LRRC47: variants seen among roughly 807,000 people sequenced by gnomAD.
LRRC47 encodes leucine rich repeat containing 47.
A neutral mutation model predicts 40.9 loss-of-function variants in LRRC47; 31 were observed. The observed-to-expected ratio is 0.76, with a 90% CI of 0.57 to 1.02. The LOEUF (loss-of-function observed/expected upper bound fraction) is 1.02, where lower values mean the gene tolerates loss of function less well. Ranked by LOEUF, LRRC47 falls within the 50% of genes least tolerant of loss-of-function variation. The pLI, the probability that LRRC47 is intolerant of heterozygous loss-of-function variation, is 0.00. For missense variants in LRRC47, 726 were observed against 796.1 expected (o/e 0.91, Z 1.06); for synonymous variants, 427 against 371.9 (o/e 1.15, Z -1.70).
At chr1:3,788,548 C>G (rs1056841859) in intron 1 of LRRC47, among the ~76,000 whole-genome samples, 9 of 152,192 alleles carry the variant, frequency 5.9e-5, no homozygotes, top group African/African-American at 1.9e-4. Flanking sequence ...ACACCTCCTG[C>G]TTCGCCTGGA....
At position 3,781,110 on chromosome 1, in the gene LRRC47, G is replaced by T. The variant is rs1030004964; in HGVS notation, c.1730C>A (p.Pro577His). The T allele has an allele frequency of 6.2e-7, 1 of 1,613,914 alleles. No individual in the cohort carries two copies. The highest frequency in any genetic ancestry group is 8.5e-7 in the Non-Finnish European group (1 of 1,180,040). The stretch of plus-strand genomic sequence containing the variant: ...GCGTCAGCGCACGACAGTCACGTGG[G>T]GAGGGGCAGTGGCCAGGTCGGCCTT... ...PSKADLATAP[P>H]HVTVVR The change falls in exon 7 of 7, where the codon CCC becomes CAC. Residue 577 changes from proline (P) to histidine (H), a missense_variant. Coordinates refer to ENST00000378251, the MANE Select transcript of LRRC47 (RefSeq NM_020710.3).
chr1:3,784,439 C>T (rs1323748480), intron 3 of LRRC47, among the ~76,000 whole-genome samples: 1 of 152,198 alleles, frequency 6.6e-6, no homozygotes, highest in African/African-American at 2.4e-5. Flanking sequence ...GCCGGGACCT[C>T]GTGCACTCCA....
chr1:3,794,495 C>T (rs762069029), intron 1 of LRRC47, among the ~76,000 whole-genome samples: 26 of 151,828 alleles, frequency 1.7e-4, no homozygotes, highest in African/African-American at 4.8e-4. Flanking sequence ...TACAGGCACG[C>T]GCCACCAGGC....
At chr1:3,787,840 C>A (rs2124612233) in intron 1 of LRRC47, among the ~76,000 whole-genome samples, 1 of 152,332 alleles carries the variant, frequency 6.6e-6, no homozygotes, top group South Asian at 2.1e-4. Flanking sequence ...CGCAGTGACA[C>A]ACAGAGTGCT....
At chr1:3,786,783 T>C in intron 2 of LRRC47, 66 bp downstream of exon 2, 1 of 1,430,542 alleles carries the variant, frequency 7.0e-7, no homozygotes, top group South Asian at 1.4e-5. Context: ...GGCCTCAGGA[T>C]GTGTCCCAGC....
chr1:3,784,271 C>G (rs1643549554), intron 3 of LRRC47, 160 bp from the exon 4 acceptor site: 1 of 632,394 alleles, frequency 1.6e-6, no homozygotes, highest in Non-Finnish European at 2.8e-6. Flanking sequence ...CAGCAAGAAG[C>G]TGCATGTGGG....
intron 1 of LRRC47, among the ~76,000 whole-genome samples, chr1:3,790,945 G>A (rs564990721): frequency 1.3e-5 from 2 of 152,344 alleles, no homozygotes; most frequent in South Asian, 2.1e-4. Flanking sequence ...CCAAAGAACC[G>A]GAACTGGGCT....
intron 3 of LRRC47, 168 bp downstream of exon 3, chr1:3,784,919 C>T: frequency 2.4e-6 from 1 of 409,200 alleles, no homozygotes; most frequent in South Asian, 2.8e-5. Context: ...CGCTTCAACC[C>T]AGGAGGCAGA....
rs571478573 is a variant in LRRC47, at chr1:3,780,856, G to C, written c.*232C>G. 6 of 570,570 alleles carry C rather than the reference G, an allele frequency of 1.1e-5. No homozygotes were observed. The highest frequency in any genetic ancestry group is 4.8e-4 in the Middle Eastern group (1 of 2,064). The allele number at this position is 570,570 out of a possible 1,614,324, so 35.3% of individuals were successfully genotyped here. On this transcript the variant is annotated 3_prime_UTR_variant, in exon 7 of 7. Transcript: ENST00000378251. ...CTGAGCTTAGTGGCACACACCTGTA[G>C]TCCCAGCTACTTGGGAGGCTGAGGC... is the stretch of plus-strand genomic sequence containing the variant.
intron 1 of LRRC47, among the ~76,000 whole-genome samples, chr1:3,788,291 G>C (rs1643595925): frequency 6.6e-6 from 1 of 152,236 alleles, no homozygotes; most frequent in Non-Finnish European, 1.5e-5. Context: ...TTCTGTCCCA[G>C]CTTCCTCTAG....
chr1:3,792,299 G>A (rs908948496), intron 1 of LRRC47, among the ~76,000 whole-genome samples: 3 of 152,138 alleles, frequency 2.0e-5, no homozygotes, highest in Admixed American at 6.5e-5. Context: ...GAGAGCCACT[G>A]GACGCCTAAA....
intron 2 of LRRC47, chr1:3,785,456 T>G (rs1354981468): frequency 4.9e-6 from 1 of 202,940 alleles, no homozygotes; most frequent in Non-Finnish European, 9.8e-6. Flanking sequence ...TTCTTCCTTC[T>G]CTAATTCTGA....
rs1324702122 is a variant in LRRC47, at chr1:3,781,500, C to T, written c.1503+12G>A. 3.7e-6 allele frequency: 6 copies of T among 1,611,944 alleles called. No homozygotes were observed. Among genetic ancestry groups the T allele is most frequent in the Admixed American group, 3.3e-5 (2 of 59,962 alleles). On this transcript the variant is annotated intron_variant, in intron 6 of 6. Transcript: ENST00000378251. ...CAAAAGCGTTTCTCAGGAGGAGCCA[C>T]CCCACACTCACCAGAATGAGGGCAT... is the stretch of plus-strand genomic sequence containing the variant.
chr1:3,790,612 C>G (rs758134542), intron 1 of LRRC47, among the ~76,000 whole-genome samples: 176 of 152,246 alleles, frequency 1.2e-3, no homozygotes, highest in Admixed American at 1.5e-3. Flanking sequence ...GAGGGCCGGC[C>G]GGGTGCTCTC....
At chr1:3,791,551 G>A (rs546394123) in intron 1 of LRRC47, among the ~76,000 whole-genome samples, 1 of 152,326 alleles carries the variant, frequency 6.6e-6, no homozygotes, top group South Asian at 2.1e-4. Context: ...CCGCCTCCCA[G>A]GTTCAAGCAA....
Position 3,782,647 on chromosome 1 carries a change from A to G in LRRC47, c.1413+14T>C, listed in dbSNP as rs753638852. On this transcript the variant is annotated intron_variant, in intron 5 of 6. Transcript: ENST00000378251. ...CCTAGAAGACACACCATGTTCACAC[A>G]CATGCCACCCTACCTTTGTCTTCTC... 1.4e-6 allele frequency: 2 copies of G among 1,460,966 alleles called. No homozygotes were observed. The highest frequency in any genetic ancestry group is 1.9e-6 in the Non-Finnish European group (2 of 1,040,066). 90.5% of individuals were successfully genotyped at this position (1,460,966 alleles called of 1,614,324 possible).
In LRRC47 at chr1:3,781,203, G is replaced by A. The variant is rs745746787; in HGVS notation, c.1637C>T (p.Ser546Phe). The A allele has an allele frequency of 6.2e-7, 1 of 1,614,182 alleles. No individual in the cohort carries two copies. The highest frequency in any genetic ancestry group is 2.2e-5 in the East Asian group (1 of 44,888). Residue 546 changes from serine (S) to phenylalanine (F), a missense_variant, in exon 7 of 7, where the codon TCC (serine) becomes TTC (phenylalanine). Transcript: ENST00000378251. ...TNPSAGKDGP[S>F]LLVVEQVRVV... Reference sequence around the variant, plus strand: ...CCGGACCTGCTCCACCACCAGAAGGGAGGGCCCGTCCTTTCCAGCACTGGG... The same window carrying A: ...CCGGACCTGCTCCACCACCAGAAGGAAGGGCCCGTCCTTTCCAGCACTGGG...
At chr1:3,792,066 C>G (rs2124614535) in intron 1 of LRRC47, among the ~76,000 whole-genome samples, 1 of 152,328 alleles carries the variant, frequency 6.6e-6, no homozygotes, top group African/African-American at 2.4e-5. Flanking sequence ...CCTTCTGTTT[C>G]TGAGCTCAGT....
rs1244776122 is a variant in LRRC47 at position 3,795,961 on chromosome 1, G to A, written c.516C>T (p.Leu172=). The A allele has an allele frequency of 6.9e-6, 11 of 1,591,768 alleles. No individual in the cohort carries two copies. The highest frequency in any genetic ancestry group is 5.1e-6 in the Non-Finnish European group (6 of 1,171,494). Residue 172 remains leucine, a synonymous_variant, in exon 1 of 7, where the codon CTC becomes CTT. Transcript: ENST00000378251. The part of the protein sequence containing the change: ...GNCLDSFPAE[L]FRPGALPLLS... ...GCAGGGGCAGCGCGCCGGGGCGAAA[G>A]AGCTCGGCGGGAAAGGAGTCTAGGC...
Sources: gnomAD v4.1 joint callset for allele counts (sites outside exome capture counted in the v4.1 genomes callset) on GRCh38, gnomAD v4.1.1 for gene constraint, MANE v1.5 for transcripts, NCBI Gene and HGNC (gene_info 2026-07-23, HGNC 2026-07-21) for gene names.